NTNG1: variants seen among roughly 807,000 people sequenced by gnomAD.
The protein encoded by NTNG1 is netrin G1, also known as netrin-G1.
In NTNG1, 16 loss-of-function variants were observed where a neutral mutation model predicts 54.0. The observed-to-expected ratio is 0.30, with a 90% confidence interval of 0.20 to 0.45. The LOEUF (loss-of-function observed/expected upper bound fraction) is 0.45, where lower values mean the gene tolerates loss of function less well. NTNG1 is among the 20% of genes least tolerant of loss of function. The pLI is 1.00. For missense variants in NTNG1, 530 were observed against 678.7 expected (o/e 0.78, Z 2.43); for synonymous variants, 255 against 263.1 (o/e 0.97, Z 0.30).
At chr1:107,142,956 GA>G (rs1326058260) in intron 1 of NTNG1, 3 of 152,048 alleles carry the variant, frequency 2.0e-5, no homozygotes, top group African/African-American at 7.2e-5. Context: ...TCTTTTTGAA[GA>G]TAAGCAACTT....
chr1:107,158,873 G>A (rs1655199138), intron 2 of NTNG1, among the ~76,000 whole-genome samples: 1 of 152,190 alleles, frequency 6.6e-6, no homozygotes, highest in Non-Finnish European at 1.5e-5. Context: ...ATATTTTAGT[G>A]TGTGCATAGG....
intron 7 of NTNG1, among the ~76,000 whole-genome samples, chr1:107,478,607 T>C (rs1281606442): frequency 6.6e-6 from 1 of 152,122 alleles, no homozygotes; most frequent in Non-Finnish European, 1.5e-5. Context: ...AGGCAAGCAA[T>C]TATCGATATT....
chr1:107,459,517 T>C (rs1348802339), intron 7 of NTNG1, among the ~76,000 whole-genome samples: 1 of 151,818 alleles, frequency 6.6e-6, no homozygotes, highest in African/African-American at 2.4e-5. Flanking sequence ...GGGTAAAAAA[T>C]AAAAAGTTGC....
intron 2 of NTNG1, among the ~76,000 whole-genome samples, chr1:107,266,044 C>T (rs543514124): frequency 1.3e-5 from 2 of 152,224 alleles, no homozygotes; most frequent in African/African-American, 2.4e-5. Flanking sequence ...TCTAATTGCA[C>T]GCTAGTCACA....
chr1:107,154,595 CAAAAAAAAAAAAAAAAAA>C (rs59619310), intron 2 of NTNG1, among the ~76,000 whole-genome samples: 1 of 47,752 alleles, frequency 2.1e-5, no homozygotes, highest in Admixed American at 3.3e-4. Flanking sequence ...GACCCTGTCT[CAAAAAAAAAAAAAAAAAA>C]AAAAAAAAAA....
At chr1:107,414,449 G>A (rs937741527) in intron 5 of NTNG1, among the ~76,000 whole-genome samples, 5 of 152,066 alleles carry the variant, frequency 3.3e-5, no homozygotes, top group African/African-American at 1.2e-4. Flanking sequence ...TCAGATTAAA[G>A]GTTAGAAATC....
chr1:107,332,286 T>A (rs1668327693), intron 3 of NTNG1, among the ~76,000 whole-genome samples: 1 of 151,866 alleles, frequency 6.6e-6, no homozygotes, highest in Non-Finnish European at 1.5e-5. Flanking sequence ...TGTCTCTTTA[T>A]CCTTAATTCC....
intron 2 of NTNG1, among the ~76,000 whole-genome samples, chr1:107,164,927 G>A (rs1247206511): frequency 1.3e-5 from 2 of 152,158 alleles, no homozygotes; most frequent in East Asian, 3.9e-4. Context: ...TCCTGACGCT[G>A]TGTGGTTCCC....
intron 2 of NTNG1, among the ~76,000 whole-genome samples, chr1:107,176,323 A>T (rs905284015): frequency 6.6e-6 from 1 of 152,208 alleles, no homozygotes; most frequent in Non-Finnish European, 1.5e-5. Flanking sequence ...TTCTGAAATT[A>T]AAATAAAAAT....
chr1:107,249,578 C>T (rs1041424757), intron 2 of NTNG1, among the ~76,000 whole-genome samples: 1 of 151,938 alleles, frequency 6.6e-6, no homozygotes, highest in African/African-American at 2.4e-5. Context: ...CTAGAAGTTC[C>T]CCAAATGTGT....
intron 2 of NTNG1, among the ~76,000 whole-genome samples, chr1:107,304,541 T>C (rs1360959519): frequency 6.6e-6 from 1 of 152,114 alleles, no homozygotes; most frequent in Non-Finnish European, 1.5e-5. Context: ...ATAAAAAACA[T>C]ATTACTACTG....
intron 5 of NTNG1, among the ~76,000 whole-genome samples, chr1:107,426,909 T>C (rs944314534): frequency 6.6e-6 from 1 of 152,110 alleles, no homozygotes; most frequent in Admixed American, 6.6e-5. Flanking sequence ...TTCTGTTAGC[T>C]GTATTCCTAG....
chr1:107,274,915 A>G (rs1426847227), intron 2 of NTNG1, among the ~76,000 whole-genome samples: 1 of 152,178 alleles, frequency 6.6e-6, no homozygotes, highest in East Asian at 1.9e-4. Flanking sequence ...CCCTTTCACC[A>G]CTTTCTCCAA....
chr1:107,475,977 T>C (rs1678295582), intron 7 of NTNG1, among the ~76,000 whole-genome samples: 1 of 152,196 alleles, frequency 6.6e-6, no homozygotes, highest in Non-Finnish European at 1.5e-5. Flanking sequence ...ATCCATTAAA[T>C]GTTAATTCTT....
rs373428712 is a variant in NTNG1, at chr1:107,345,020, T to C, written c.887+20098T>C. ...AAAGCATAGCATTCAAACACTGATA[T>C]CCCTGGAGTAGTTCCAAAATGTTGC... On this transcript the variant is annotated intron_variant, in intron 3 of 7. Coordinates refer to ENST00000370068, the MANE Select transcript of NTNG1 (RefSeq NM_001113226.3). 3.5e-4 allele frequency among the ~76,000 whole-genome samples: 53 copies of C among 152,276 alleles called. No individual in the cohort carries two copies. In the East Asian group the frequency reaches 8.9e-3, roughly 26 times the overall value.
intron 5 of NTNG1, among the ~76,000 whole-genome samples, chr1:107,413,131 TTCTG>T (rs1673945098): frequency 6.8e-6 from 1 of 147,868 alleles, no homozygotes; most frequent in Non-Finnish European, 1.5e-5. Context: ...TTCTTTTCTT[TTCTG>T]TTTTTTGTTT....
chr1:107,197,775 T>A (rs993927907), intron 2 of NTNG1, among the ~76,000 whole-genome samples: 1 of 152,010 alleles, frequency 6.6e-6, no homozygotes, highest in African/African-American at 2.4e-5. Flanking sequence ...TGTGGCACCT[T>A]GCCCAGGATC....
intron 2 of NTNG1, among the ~76,000 whole-genome samples, chr1:107,174,755 T>TA (rs1220853114): frequency 6.6e-6 from 1 of 151,858 alleles, no homozygotes; most frequent in Non-Finnish European, 1.5e-5. Context: ...TTTTTTTTTT[T>TA]AGTTGTCTAC....
At chr1:107,161,335 G>A (rs1230380164) in intron 2 of NTNG1, among the ~76,000 whole-genome samples, 2 of 152,172 alleles carry the variant, frequency 1.3e-5, no homozygotes, top group South Asian at 2.1e-4. Context: ...ATATTTTAAG[G>A]TACATAAGCA....
Sources: allele counts gnomAD v4.1 joint callset (sites outside exome capture counted in the v4.1 genomes callset), GRCh38; gene constraint gnomAD v4.1.1; transcripts MANE v1.5; gene names NCBI Gene and HGNC (gene_info 2026-07-23, HGNC 2026-07-21).